Variants in SLC38A7 observed in about 807,000 individuals in gnomAD.
The protein encoded by SLC38A7 is solute carrier family 38 member 7.
A neutral mutation model predicts 50.1 loss-of-function variants in SLC38A7; 29 were observed. The ratio of observed to expected loss-of-function variants is 0.58; its 90% CI spans 0.43 to 0.79. The LOEUF (loss-of-function observed/expected upper bound fraction) is 0.79. Among genes scored for constraint, SLC38A7 ranks in the 30% least tolerant of loss-of-function variants. The pLI, the probability that SLC38A7 is intolerant of heterozygous loss-of-function variation, is 0.00. For synonymous variants in SLC38A7, 244 were observed against 245.9 expected, an observed-to-expected ratio of 0.99 and a Z score of 0.07; for missense variants, 483 against 610.6, an observed-to-expected ratio of 0.79 and a Z score of 2.20.
At position 58,679,879 on chromosome 16, in the gene SLC38A7, G is replaced by A. The variant is rs374940498; in HGVS notation, c.248C>T (p.Ala83Val). 1 of 1,613,798 alleles carries A rather than the reference G, an allele frequency of 6.2e-7. No homozygotes were observed. The highest frequency in any genetic ancestry group is 1.3e-5 in the African/African-American group (1 of 74,914). ...CACCATCTGCAGTGCGATGCCTGCTGCCACGCCCCCCGCAGTGCTGAAGGC... is the reference window on the plus strand; with the variant it reads ...CACCATCTGCAGTGCGATGCCTGCTACCACGCCCCCCGCAGTGCTGAAGGC... ...PAAFSTAGGV[A>V]AGIALQMGML... Residue 83 changes from alanine (A) to valine (V), a missense_variant, in exon 3 of 12, where the codon GCA (alanine) becomes GTA (valine). By Grantham distance (64) the Ala-to-Val change is moderately conservative. Transcript: ENST00000219320.
At chr16:58,671,333 G>T in intron 9 of SLC38A7, 89 bp from the exon 10 acceptor site, 1 of 1,334,272 alleles carries the variant, frequency 7.5e-7, no homozygotes, top group Non-Finnish European at 1.0e-6. Flanking sequence ...TAACTGGGTA[G>T]ACTGCGGGGA....
chr16:58,674,013 C>T (rs1197480543), intron 8 of SLC38A7, among the ~76,000 whole-genome samples: 1 of 150,660 alleles, frequency 6.6e-6, no homozygotes, highest in African/African-American at 2.4e-5. Context: ...TTGATAGAGA[C>T]AGGGTTTTGC....
chr16:58,668,209 A>T (rs2044080186), intron 11 of SLC38A7, among the ~76,000 whole-genome samples: 1 of 152,014 alleles, frequency 6.6e-6, no homozygotes, highest in African/African-American at 2.4e-5. Context: ...AGGCCAAGGC[A>T]GGTGGATCAC....
chr16:58,670,054 A>C (rs554105877), intron 11 of SLC38A7, 59 bp downstream of exon 11: 2 of 1,538,014 alleles, frequency 1.3e-6, no homozygotes, highest in African/African-American at 2.7e-5. Context: ...AGGCCCCCAC[A>C]AAGCCACATT....
intron 11 of SLC38A7, 67 bp downstream of exon 11, chr16:58,670,046 G>T: frequency 7.0e-7 from 1 of 1,430,820 alleles, no homozygotes; most frequent in Non-Finnish European, 9.8e-7. Context: ...CTGTTTTAAG[G>T]CCCCCACAAA....
Position 58,678,419 on chromosome 16 carries a change from G to T in SLC38A7, c.525C>A (p.Asp175Glu), listed in dbSNP as rs143031096. 9.9e-5 allele frequency: 158 copies of T among 1,599,530 alleles called. No individual in the cohort carries two copies. In the East Asian group the frequency reaches 1.8e-3, roughly 19 times the overall value. The change falls in exon 5 of 12, where the codon GAC (aspartate) becomes GAA (glutamate). Residue 175 changes from aspartate (D) to glutamate (E), a missense_variant. Physicochemically the swap from Asp to Glu is conservative, Grantham distance 45. Coordinates refer to ENST00000219320, the MANE Select transcript of SLC38A7 (RefSeq NM_018231.3). This position sits in a 1 kb window ranked among gnomAD's most constrained non-coding sequence, Gnocchi z 4.0. ...PEGASGPWYTDRKFTISLTAF... is the reference protein window; with the variant it reads ...PEGASGPWYTERKFTISLTAF... Reference sequence around the variant, plus strand: ...CAGTGAGGCTGATGGTGAACTTGCGGTCTGTGTACCAAGGGCCGCTGGCCC... The same window carrying T: ...CAGTGAGGCTGATGGTGAACTTGCGTTCTGTGTACCAAGGGCCGCTGGCCC...
chr16:58,678,616 G>A lies in SLC38A7; in HGVS notation c.469+80C>T, dbSNP rs1567474291. On this transcript the variant is annotated intron_variant, in intron 4 of 11. Coordinates refer to ENST00000219320, the MANE Select transcript of SLC38A7 (RefSeq NM_018231.3). This position sits in a 1 kb window ranked among gnomAD's most constrained non-coding sequence, Gnocchi z 4.0. ...GGGCCCAGGTAAGTCCTGGAGAGGTGTTCAGTGCCTTTTCCCTCCACCCCA... is the reference window on the plus strand; with the variant it reads ...GGGCCCAGGTAAGTCCTGGAGAGGTATTCAGTGCCTTTTCCCTCCACCCCA... 2 of 1,580,830 alleles carry A rather than the reference G, an allele frequency of 1.3e-6. No individual in the cohort carries two copies. Among genetic ancestry groups the A allele is most frequent in the Admixed American group, 1.7e-5 (1 of 57,602 alleles).
Position 58,669,103 on chromosome 16 carries a change from CTTTTTTTTTTTTTT to C in SLC38A7, c.1286+996_1286+1009del, listed in dbSNP as rs71155293. Reference sequence around the variant, plus strand: ...TTCTTTTTTAGACATGTTTGTATGGCTTTTTTTTTTTTTTTTTTTTTTTTTTTTTGAGACAGAGT... The same window carrying C: ...TTCTTTTTTAGACATGTTTGTATGGCTTTTTTTTTTTTTTTGAGACAGAGT... On this transcript the variant is annotated intron_variant, in intron 11 of 11. Transcript: ENST00000219320. 9.2e-5 allele frequency among the ~76,000 whole-genome samples: 5 copies of C among 54,594 alleles called. No individual in the cohort carries two copies. In the South Asian group the frequency reaches 2.9e-3, roughly 31 times the overall value. The allele number at this position is 54,594 out of a possible 152,430, so 35.8% of individuals were successfully genotyped here.
chr16:58,667,568 A>G (rs954677379), intron 11 of SLC38A7, 81 bp from the exon 12 acceptor site: 3 of 1,085,910 alleles, frequency 2.8e-6, no homozygotes, highest in Non-Finnish European at 3.9e-6. Context: ...ACTGTTAATT[A>G]CTGTAATTAT....
At chr16:58,668,867 G>A (rs955548366) in intron 11 of SLC38A7, among the ~76,000 whole-genome samples, 6 of 151,078 alleles carry the variant, frequency 4.0e-5, no homozygotes, top group Non-Finnish European at 8.8e-5. Context: ...CCGCCTCCGG[G>A]GTTCAAGCAA....
rs565498517 is a variant in SLC38A7, at chr16:58,679,947, G to A, written c.180C>T (p.Val60=). 1.2e-5 allele frequency: 20 copies of A among 1,611,756 alleles called. No individual in the cohort carries two copies. The highest frequency in any genetic ancestry group is 5.3e-5 in the African/African-American group (4 of 74,858). The part of the protein sequence containing the change: ...TTSTLGAIFI[V]VNACLGAGLL... ...ACCCTGCACCCAGGCACGCGTTGAC[G>A]ACGATGAAGATGGCCCCAAGTGTGG... The change falls in exon 3 of 12, where the codon GTC becomes GTT. Residue 60 remains valine (V), a synonymous_variant. Coordinates refer to ENST00000219320, the MANE Select transcript of SLC38A7 (RefSeq NM_018231.3).
chr16:58,673,124 G>A (rs367935009), intron 8 of SLC38A7, among the ~76,000 whole-genome samples: 58 of 117,428 alleles, frequency 4.9e-4, no homozygotes, highest in South Asian at 3.0e-3. Context: ...AGATGGAGTC[G>A]CGCTCTGTCA....
At chr16:58,677,520 G>C (rs1597675343) in intron 5 of SLC38A7, 96 bp from the exon 6 acceptor site, 1 of 1,042,072 alleles carries the variant, frequency 9.6e-7, no homozygotes, top group East Asian at 2.5e-5. Flanking sequence ...GCGACCACAA[G>C]TGTCCACTGA....
At chr16:58,673,849 A>AC (rs1373853871) in intron 8 of SLC38A7, among the ~76,000 whole-genome samples, 8 of 150,880 alleles carry the variant, frequency 5.3e-5, no homozygotes, top group African/African-American at 2.0e-4. Context: ...TTTTGAAGAC[A>AC]GAGTCTCACT....
chr16:58,676,656 T>C (rs1388676887), intron 6 of SLC38A7, among the ~76,000 whole-genome samples: 1 of 152,142 alleles, frequency 6.6e-6, no homozygotes, highest in Non-Finnish European at 1.5e-5. Flanking sequence ...TTTTGTTTTG[T>C]TTTGTATTTT....
At chr16:58,671,454 C>T (rs1235466632) in intron 9 of SLC38A7, 4 of 598,314 alleles carry the variant, frequency 6.7e-6, no homozygotes, top group South Asian at 2.1e-5. Flanking sequence ...CTTTGCTTTA[C>T]ATCACATGGA....
chr16:58,678,981 G>T lies in SLC38A7; in HGVS notation c.271-87C>A. 7.4e-7 allele frequency: 1 copy of T among 1,345,930 alleles called. No homozygotes were observed. Among genetic ancestry groups the T allele is most frequent in the Non-Finnish European group, 1.0e-6 (1 of 970,098 alleles). 83.4% of individuals were successfully genotyped at this position (1,345,930 alleles called of 1,614,324 possible). On this transcript the variant is annotated intron_variant, in intron 3 of 11. Transcript: ENST00000219320. This position sits in a 1 kb window ranked among gnomAD's most constrained non-coding sequence, Gnocchi z 4.0. ...CTCGCCTAGCATTTACTGGGCCAGT[G>T]CCCAAAGCAAGCTTGGCAAATCTCA...
chr16:58,668,753 A>G (rs2044096483), intron 11 of SLC38A7, among the ~76,000 whole-genome samples: 1 of 150,210 alleles, frequency 6.7e-6, no homozygotes, highest in South Asian at 2.1e-4. Context: ...AAAAAGAAAT[A>G]AAGGGTGATT....
intron 2 of SLC38A7, among the ~76,000 whole-genome samples, chr16:58,681,091 C>T (rs551724479): frequency 6.6e-6 from 1 of 152,322 alleles, no homozygotes; most frequent in East Asian, 1.9e-4. Flanking sequence ...CAGTGCCAAA[C>T]ATGCAGTGCT....
Sources: gnomAD v4.1 joint callset for allele counts (sites outside exome capture counted in the v4.1 genomes callset) on GRCh38, gnomAD v4.1.1 for gene constraint, Gnocchi (gnomAD v3.1) non-coding constraint, MANE v1.5 for transcripts, NCBI Gene and HGNC (gene_info 2026-07-23, HGNC 2026-07-21) for gene names.